GPC5: variants seen among roughly 807,000 people sequenced by gnomAD.
GPC5 encodes the protein glypican-5.
A neutral mutation model predicts 53.9 loss-of-function variants in GPC5; 47 were observed. The ratio of observed to expected loss-of-function variants is 0.87; its 90% CI spans 0.69 to 1.11. The LOEUF (loss-of-function observed/expected upper bound fraction) is 1.11, where lower values mean the gene tolerates loss of function less well. GPC5 is among the 50% of genes most tolerant of loss of function. The probability of loss-of-function intolerance (pLI) is 0.00; values close to 1 mark genes in which losing one functional copy is unlikely to be tolerated. For synonymous variants in GPC5, 286 were observed against 263.3 expected (o/e 1.09, Z -0.84); for missense variants, 748 against 713.1 (o/e 1.05, Z -0.56).
At chr13:92,615,675 A>T (rs1284307135) in intron 7 of GPC5, among the ~76,000 whole-genome samples, 1 of 152,202 alleles carries the variant, frequency 6.6e-6, no homozygotes, top group East Asian at 1.9e-4. Flanking sequence ...TAAATATGCC[A>T]ATTAATATTT....
intron 1 of GPC5, among the ~76,000 whole-genome samples, chr13:91,402,974 C>A (rs1342823488): frequency 6.6e-6 from 1 of 152,226 alleles, no homozygotes; most frequent in Non-Finnish European, 1.5e-5. Context: ...GTCTCCACTG[C>A]CACACCACCG....
chr13:92,627,739 G>A (rs1432966843), intron 7 of GPC5, among the ~76,000 whole-genome samples: 1 of 152,140 alleles, frequency 6.6e-6, no homozygotes, highest in Admixed American at 6.5e-5. Context: ...TAATAATTAG[G>A]AGTGATGTAC....
Position 92,674,230 on chromosome 13 carries a change from A to T in GPC5, c.1562-192052A>T, listed in dbSNP as rs544416329. 7.7e-4 allele frequency among the ~76,000 whole-genome samples: 117 copies of T among 152,284 alleles called. 1 individual carries two copies. The highest frequency in any genetic ancestry group is 2.5e-3 in the African/African-American group (105 of 41,552). On this transcript the variant is annotated intron_variant, in intron 7 of 7. Transcript: ENST00000377067. ...TTGACACGTTCCTCTCACTGGGTTC[A>T]TCTAATGCTTGTAACAAGCCTATAC...
intron 7 of GPC5, among the ~76,000 whole-genome samples, chr13:92,589,518 C>G (rs1297399876): frequency 1.3e-5 from 2 of 152,112 alleles, no homozygotes; most frequent in African/African-American, 4.8e-5. Context: ...ATTTTAAAAT[C>G]ATAAAAAATG....
chr13:91,736,233 G>A (rs879724543), intron 4 of GPC5, among the ~76,000 whole-genome samples: 1 of 151,408 alleles, frequency 6.6e-6, no homozygotes, highest in Admixed American at 6.6e-5. Context: ...AGTATGGCAG[G>A]AATTGAGGAA....
intron 7 of GPC5, among the ~76,000 whole-genome samples, chr13:92,760,944 A>G (rs1231506968): frequency 6.6e-6 from 1 of 152,108 alleles, no homozygotes; most frequent in Non-Finnish European, 1.5e-5. Flanking sequence ...TAATTTCCAC[A>G]TATTTGTGAA....
rs71120074 is a variant in GPC5 at position 92,159,593 on chromosome 13, CTTTTTTTTTTTTTTT to C, written c.1561+14617_1561+14631del. Among the ~76,000 whole-genome samples the C allele has an allele frequency of 5.2e-5, 3 of 57,218 alleles. No individual in the cohort carries two copies. In the Admixed American group the frequency reaches 7.0e-4, roughly 13 times the overall value. The allele number at this position is 57,218 out of a possible 152,430, so 37.5% of individuals were successfully genotyped here. On this transcript the variant is annotated intron_variant, in intron 7 of 7. Coordinates refer to ENST00000377067, the MANE Select transcript of GPC5 (RefSeq NM_004466.6). Reference sequence around the variant, plus strand: ...CTATGTAATCACTAATACCAATGTTCTTTTTTTTTTTTTTTTTTTTTTTTTTTGAGACAGAGTGTC... The same window carrying C: ...CTATGTAATCACTAATACCAATGTTCTTTTTTTTTTTTGAGACAGAGTGTC...
intron 4 of GPC5, among the ~76,000 whole-genome samples, chr13:91,742,762 A>G (rs2036963585): frequency 6.6e-6 from 1 of 152,142 alleles, no homozygotes; most frequent in Admixed American, 6.6e-5. Context: ...GGAGCATGAC[A>G]TTTATTCAAA....
intron 6 of GPC5, among the ~76,000 whole-genome samples, chr13:91,998,800 T>A (rs2040528049): frequency 1.3e-5 from 2 of 152,226 alleles, no homozygotes; most frequent in South Asian, 4.1e-4. Context: ...TCACATTATG[T>A]AATGAGGGCT....
intron 2 of GPC5, among the ~76,000 whole-genome samples, chr13:91,581,459 G>A (rs745729873): frequency 7.2e-5 from 11 of 152,100 alleles, no homozygotes; most frequent in Non-Finnish European, 1.5e-4. Flanking sequence ...TCCAAGATCT[G>A]GATTCTTAGT....
At chr13:92,059,560 C>G (rs1325065846) in intron 6 of GPC5, among the ~76,000 whole-genome samples, 1 of 151,762 alleles carries the variant, frequency 6.6e-6, no homozygotes. Context: ...TTTAAATTCA[C>G]TCAATAGTAT....
intron 6 of GPC5, among the ~76,000 whole-genome samples, chr13:91,965,582 T>G (rs2040172974): frequency 6.6e-6 from 1 of 152,156 alleles, no homozygotes; most frequent in East Asian, 1.9e-4. Flanking sequence ...GCTAAGAGTG[T>G]AAGGGATTTT....
chr13:92,336,944 G>C (rs1160463912), intron 7 of GPC5, among the ~76,000 whole-genome samples: 4 of 152,088 alleles, frequency 2.6e-5, no homozygotes, highest in African/African-American at 9.7e-5. Context: ...TAGCGGAATT[G>C]CCTTTTATAA....
At chr13:91,728,153 G>A (rs1302665341) in intron 3 of GPC5, among the ~76,000 whole-genome samples, 2 of 151,946 alleles carry the variant, frequency 1.3e-5, no homozygotes, top group Non-Finnish European at 2.9e-5. Context: ...ATATTCAACA[G>A]CAACTTATTT....
chr13:92,487,048 G>T (rs1287732541), intron 7 of GPC5, among the ~76,000 whole-genome samples: 4 of 152,054 alleles, frequency 2.6e-5, no homozygotes, highest in Non-Finnish European at 4.4e-5. Context: ...TAGAGATGGG[G>T]TTTCACCATG....
At chr13:92,781,295 A>G (rs72642605) in intron 7 of GPC5, among the ~76,000 whole-genome samples, 2,499 of 152,240 alleles carry the variant, frequency 0.016, 27 homozygotes, top group Non-Finnish European at 0.027. Flanking sequence ...AAAATTTACA[A>G]AAACTTACTA....
At chr13:92,316,351 A>G (rs1388901685) in intron 7 of GPC5, among the ~76,000 whole-genome samples, 1 of 152,198 alleles carries the variant, frequency 6.6e-6, no homozygotes, top group Non-Finnish European at 1.5e-5. Flanking sequence ...ATACTTAAGC[A>G]TGACAAATAT....
chr13:92,084,730 A>G (rs1594756951), intron 6 of GPC5, among the ~76,000 whole-genome samples: 1 of 152,192 alleles, frequency 6.6e-6, no homozygotes, highest in Non-Finnish European at 1.5e-5. Flanking sequence ...AACATTTGGT[A>G]TATATTTGTA....
rs565202047 is a variant in GPC5 at position 91,966,093 on chromosome 13, A to G, written c.1401+58036A>G. ...AGAAATAATTAGACAACTAAAAGGT[A>G]AATTCCTCATACGGACACGTGAAAG... On this transcript the variant is annotated intron_variant, in intron 6 of 7. Coordinates refer to ENST00000377067, the MANE Select transcript of GPC5 (RefSeq NM_004466.6). Among the ~76,000 whole-genome samples, 6 of 152,330 alleles carry G rather than the reference A, an allele frequency of 3.9e-5. No homozygotes were observed. In the South Asian group the frequency reaches 1.2e-3, roughly 32 times the overall value.
Sources: allele counts gnomAD v4.1 joint callset (sites outside exome capture counted in the v4.1 genomes callset), GRCh38; gene constraint gnomAD v4.1.1; transcripts MANE v1.5; gene names NCBI Gene and HGNC (gene_info 2026-07-23, HGNC 2026-07-21).